Variants in RNF217 observed in about 807,000 individuals in gnomAD.
RNF217 encodes the protein E3 ubiquitin-protein ligase RNF217.
RNF217 carries 31 observed loss-of-function variants against 57.8 expected under a neutral mutation model. The observed-to-expected ratio is 0.54, with a 90% confidence interval of 0.40 to 0.72. The LOEUF (loss-of-function observed/expected upper bound fraction) is 0.72, where lower values mean the gene tolerates loss of function less well. Among genes scored for constraint, RNF217 ranks in the 30% least tolerant of loss-of-function variants. The pLI, the probability that RNF217 is intolerant of heterozygous loss-of-function variation, is 0.00. For synonymous variants in RNF217, 313 were observed against 294.0 expected (o/e 1.06, Z -0.66); for missense variants, 696 against 708.3 (o/e 0.98, Z 0.20).
Position 125,081,520 on chromosome 6 carries a change from T to G in RNF217, c.1555+13T>G, listed in dbSNP as rs192017206. On this transcript the variant is annotated intron_variant, in intron 5 of 5. Coordinates refer to ENST00000521654, the MANE Select transcript of RNF217 (RefSeq NM_001286398.3). ...GCGGTTGTAATCGGTAAGAAACACT[T>G]CATGCATCTGAGATTAGAATTATCT... 2.5e-6 allele frequency: 4 copies of G among 1,597,288 alleles called. No homozygotes were observed. Among genetic ancestry groups the G allele is most frequent in the Non-Finnish European group, 3.4e-6 (4 of 1,166,152 alleles).
rs1286750419 is a variant in RNF217 at position 125,049,982 on chromosome 6, T to C, written c.1116+4538T>C. ...CTCAGGAGTGATTTGGTGGAAGTCA[T>C]CAATATTGGGGGCAGTGAAGGGGAT... On this transcript the variant is annotated intron_variant, in intron 2 of 5. Transcript: ENST00000521654. 4.0e-5 allele frequency among the ~76,000 whole-genome samples: 6 copies of C among 151,866 alleles called. No individual in the cohort carries two copies. The Admixed American group carries it at 4.0e-4, about 10-fold the overall frequency.
intron 1 of RNF217, among the ~76,000 whole-genome samples, chr6:124,975,614 T>C (rs1473486454): frequency 6.6e-6 from 1 of 152,100 alleles, no homozygotes; most frequent in Non-Finnish European, 1.5e-5. Context: ...TTTGTTTGTT[T>C]TTAGTAGAGA....
intron 3 of RNF217, among the ~76,000 whole-genome samples, chr6:125,071,172 G>A (rs1582775529): frequency 6.6e-6 from 1 of 152,136 alleles, no homozygotes; most frequent in South Asian, 2.1e-4. Context: ...AGTTAGGATG[G>A]TCTGACATGA....
chr6:125,063,170 G>A lies in RNF217; in HGVS notation c.1281+5064G>A, dbSNP rs568096445. Among the ~76,000 whole-genome samples the A allele has an allele frequency of 2.6e-5, 4 of 152,228 alleles. No individual in the cohort carries two copies. The East Asian group carries it at 5.8e-4, about 22-fold the overall frequency. ...GTCATGCAAAAATTCATTTTAGACT[G>A]TTTTATACCACAGATTAGATACTAA... On this transcript the variant is annotated intron_variant, in intron 3 of 5. Transcript: ENST00000521654.
At chr6:125,024,672 A>T (rs1785997492) in intron 1 of RNF217, among the ~76,000 whole-genome samples, 1 of 150,420 alleles carries the variant, frequency 6.6e-6, no homozygotes, top group Non-Finnish European at 1.5e-5. Context: ...GTGAGCCAAG[A>T]TCATGCCACT....
rs1380810842 is a variant in RNF217 at position 125,083,975 on chromosome 6, G to C, written c.*1038G>C. On this transcript the variant is annotated 3_prime_UTR_variant, in exon 6 of 6. Coordinates refer to ENST00000521654, the MANE Select transcript of RNF217 (RefSeq NM_001286398.3). The stretch of plus-strand genomic sequence containing the variant: ...AAAAACAAGTTTGCTGTAGACAACT[G>C]CTTAAGCCTTTAAAAAATTCCTATT... The C allele has an allele frequency of 6.6e-6, 1 of 152,010 alleles. No individual in the cohort carries two copies. Among genetic ancestry groups the C allele is most frequent in the African/African-American group, 2.4e-5 (1 of 41,404 alleles). 9.4% of individuals were successfully genotyped at this position (152,010 alleles called of 1,614,324 possible). A position where few individuals can be genotyped will look rare whatever the true frequency, so the allele number is the denominator to read the frequency against.
chr6:125,062,731 C>A (rs1261301078), intron 3 of RNF217, among the ~76,000 whole-genome samples: 1 of 152,102 alleles, frequency 6.6e-6, no homozygotes, highest in Non-Finnish European at 1.5e-5. Context: ...TGCCCACCAC[C>A]ATGCCCGGCT....
At chr6:124,970,746 C>G (rs887421962) in intron 1 of RNF217, among the ~76,000 whole-genome samples, 3 of 152,118 alleles carry the variant, frequency 2.0e-5, no homozygotes, top group African/African-American at 7.2e-5. Context: ...TACCAATGTT[C>G]ACAAATATGG....
chr6:125,026,551 A>G (rs1418368094), intron 1 of RNF217, among the ~76,000 whole-genome samples: 1 of 152,240 alleles, frequency 6.6e-6, no homozygotes, highest in Non-Finnish European at 1.5e-5. Context: ...TAAACGTGTC[A>G]TCAGTACTCC....
intron 1 of RNF217, among the ~76,000 whole-genome samples, chr6:125,037,667 TCTGCC>T (rs1332424222): frequency 3.3e-5 from 5 of 152,150 alleles, no homozygotes; most frequent in African/African-American, 1.2e-4. Flanking sequence ...CTGAAATCAA[TCTGCC>T]CTGATGGTGC....
chr6:124,981,804 G>C (rs1436098683), intron 1 of RNF217, among the ~76,000 whole-genome samples: 1 of 151,388 alleles, frequency 6.6e-6, no homozygotes, highest in South Asian at 2.1e-4. Flanking sequence ...AGACCACTAG[G>C]TCAAGAGATA....
chr6:125,064,440 C>T (rs895193847), intron 3 of RNF217, among the ~76,000 whole-genome samples: 3 of 152,130 alleles, frequency 2.0e-5, no homozygotes, highest in Admixed American at 1.3e-4. Context: ...TACTTGCTTA[C>T]GGTCCTGAGA....
chr6:125,073,297 C>T (rs747314394), intron 3 of RNF217, among the ~76,000 whole-genome samples: 2 of 152,012 alleles, frequency 1.3e-5, no homozygotes, highest in East Asian at 3.9e-4. Flanking sequence ...GCTACAGTAA[C>T]CATTGATAAA....
At chr6:125,017,036 T>A (rs1363704169) in intron 1 of RNF217, among the ~76,000 whole-genome samples, 1 of 152,200 alleles carries the variant, frequency 6.6e-6, no homozygotes, top group Non-Finnish European at 1.5e-5. Flanking sequence ...TCCTCTGGAC[T>A]TGGCCCCATG....
chr6:124,969,152 T>G (rs1004597263), intron 1 of RNF217, among the ~76,000 whole-genome samples: 2 of 152,214 alleles, frequency 1.3e-5, no homozygotes, highest in African/African-American at 4.8e-5. Flanking sequence ...CATTTACTAT[T>G]CCTTCTGTTA....
intron 1 of RNF217, chr6:124,983,497 G>T (rs967030950): frequency 1.0e-6 from 1 of 984,042 alleles, no homozygotes; most frequent in Non-Finnish European, 1.2e-6. Flanking sequence ...TAATGAAAAG[G>T]ACCTTACAGG....
intron 2 of RNF217, among the ~76,000 whole-genome samples, chr6:125,052,549 TATC>T (rs1787365051): frequency 6.6e-6 from 1 of 151,998 alleles, no homozygotes; most frequent in African/African-American, 2.4e-5. Flanking sequence ...GGCAGTGAAA[TATC>T]AGGGAGTAAG....
At position 125,038,315 on chromosome 6, in the gene RNF217, T is replaced by C. The variant is rs144607510; in HGVS notation, c.883-6896T>C. 7.7e-4 allele frequency among the ~76,000 whole-genome samples: 118 copies of C among 152,284 alleles called. 2 individuals are homozygous for C. Among genetic ancestry groups the C allele is most frequent in the African/African-American group, 2.7e-3 (113 of 41,564 alleles). The stretch of plus-strand genomic sequence containing the variant: ...TCCAGTAAACAGAAGTTAGATGACA[T>C]GTTATTTAGAATGTTAACTTGATAC... On this transcript the variant is annotated intron_variant, in intron 1 of 5. Coordinates refer to ENST00000521654, the MANE Select transcript of RNF217 (RefSeq NM_001286398.3).
intron 1 of RNF217, among the ~76,000 whole-genome samples, chr6:125,026,458 G>A (rs558197836): frequency 2.0e-5 from 3 of 152,150 alleles, no homozygotes; most frequent in African/African-American, 4.8e-5. Context: ...CATCATCATC[G>A]TCATCATTAT....
Sources: allele counts gnomAD v4.1 joint callset (sites outside exome capture counted in the v4.1 genomes callset), GRCh38; gene constraint gnomAD v4.1.1; transcripts MANE v1.5; gene names NCBI Gene and HGNC (gene_info 2026-07-23, HGNC 2026-07-21).